SGCD: variants seen among roughly 807,000 people sequenced by gnomAD.
The protein encoded by SGCD is delta-sarcoglycan.
In SGCD, 18 loss-of-function variants were observed where a neutral mutation model predicts 36.6. The observed-to-expected ratio is 0.49, with a 90% CI of 0.34 to 0.73. The LOEUF (loss-of-function observed/expected upper bound fraction) is 0.73. Among genes scored for constraint, SGCD ranks in the 30% least tolerant of loss-of-function variants. The probability of loss-of-function intolerance (pLI) is 0.01; values close to 1 mark genes in which losing one functional copy is unlikely to be tolerated. For synonymous variants in SGCD, 133 were observed against 130.6 expected (o/e 1.02, Z -0.12); for missense variants, 387 against 346.7 (o/e 1.12, Z -0.92).
At chr5:156,074,113 C>G (rs536705840) in intron 1 of SGCD, among the ~76,000 whole-genome samples, 34 of 152,290 alleles carry the variant, frequency 2.2e-4, no homozygotes, top group Non-Finnish European at 3.2e-4. Flanking sequence ...CTCAAATTGT[C>G]TGGTTTATAT....
At chr5:155,788,141 A>G in the SGCD span, among the ~76,000 whole-genome samples, 2 of 152,124 alleles carry the variant, frequency 1.3e-5, no homozygotes, top group African/African-American at 4.8e-5. Flanking sequence ...CGAGCATTCT[A>G]TTTTTTCAAT....
intron 6 of SGCD, among the ~76,000 whole-genome samples, chr5:156,621,801 G>A (rs951382229): frequency 2.0e-5 from 3 of 152,198 alleles, no homozygotes; most frequent in Non-Finnish European, 4.4e-5. Context: ...AGAGGGAAGA[G>A]ATCTTTATTT....
intron 1 of SGCD, among the ~76,000 whole-genome samples, chr5:156,106,032 C>A (rs1761637835): frequency 7.1e-6 from 1 of 141,594 alleles, no homozygotes; most frequent in African/African-American, 2.7e-5. Flanking sequence ...ATTGCTTGAA[C>A]CTGGGAGGTG....
chr5:156,532,654 G>T (rs1215761050), intron 4 of SGCD, among the ~76,000 whole-genome samples: 1 of 152,008 alleles, frequency 6.6e-6, no homozygotes, highest in African/African-American at 2.4e-5. Flanking sequence ...GTTGAGACAG[G>T]GTTTTACCAC....
intron 3 of SGCD, among the ~76,000 whole-genome samples, chr5:156,496,479 G>A (rs917031379): frequency 1.3e-5 from 2 of 152,118 alleles, no homozygotes; most frequent in Non-Finnish European, 2.9e-5. Flanking sequence ...AGACTCGACT[G>A]TATGTGGGAG....
At chr5:155,816,935 A>T in the SGCD span, among the ~76,000 whole-genome samples, 1 of 152,198 alleles carries the variant, frequency 6.6e-6, no homozygotes, top group African/African-American at 2.4e-5. Context: ...TGATGCCTAA[A>T]TGCAACTACT....
At chr5:155,894,297 A>T (rs1211331902) in intron 1 of SGCD, among the ~76,000 whole-genome samples, 1 of 152,254 alleles carries the variant, frequency 6.6e-6, no homozygotes, top group African/African-American at 2.4e-5. Flanking sequence ...ATCAGTAGGC[A>T]ATAGAAATTT....
intron 3 of SGCD, among the ~76,000 whole-genome samples, chr5:156,411,577 C>T (rs1460665074): frequency 3.9e-5 from 6 of 152,214 alleles, no homozygotes; most frequent in African/African-American, 1.4e-4. Context: ...ACACAGTTAA[C>T]ATCTCTGGGT....
intron 3 of SGCD, among the ~76,000 whole-genome samples, chr5:156,270,974 T>A (rs1766160425): frequency 6.6e-6 from 1 of 152,064 alleles, no homozygotes; most frequent in African/African-American, 2.4e-5. Context: ...TCAACCAAAC[T>A]CAGGGAAGTG....
At chr5:156,545,764 G>A (rs759850602) in intron 4 of SGCD, among the ~76,000 whole-genome samples, 23 of 152,150 alleles carry the variant, frequency 1.5e-4, no homozygotes, top group Non-Finnish European at 2.4e-4. Context: ...TAGCAAATGG[G>A]AACCACGGGT....
At chr5:156,367,507 CATTT>C (rs1188960776) in intron 3 of SGCD, among the ~76,000 whole-genome samples, 1 of 152,174 alleles carries the variant, frequency 6.6e-6, no homozygotes, top group African/African-American at 2.4e-5. Flanking sequence ...TATTCAGATT[CATTT>C]TTTTAAAAGG....
At chr5:156,730,909 T>G (rs764786543) in intron 7 of SGCD, among the ~76,000 whole-genome samples, 3 of 152,146 alleles carry the variant, frequency 2.0e-5, no homozygotes, top group Non-Finnish European at 4.4e-5. Flanking sequence ...CAGTATCTAT[T>G]ATTTATTTTT....
intron 3 of SGCD, among the ~76,000 whole-genome samples, chr5:156,317,545 G>A (rs1463099590): frequency 3.3e-5 from 5 of 152,166 alleles, no homozygotes; most frequent in Non-Finnish European, 7.4e-5. Context: ...GGTTAATGGT[G>A]TTAAAACTAA....
upstream of SGCD, among the ~76,000 whole-genome samples, chr5:155,865,937 C>T (rs1488401531): frequency 6.6e-6 from 1 of 152,044 alleles, no homozygotes; most frequent in Non-Finnish European, 1.5e-5. Context: ...AAATGTTTAC[C>T]AAATACCCAG....
At chr5:156,217,781 A>T (rs249879) in intron 3 of SGCD, among the ~76,000 whole-genome samples, 33,789 of 152,086 alleles carry the variant, frequency 0.22, 4,750 homozygotes, top group Non-Finnish European at 0.31. Flanking sequence ...AAAAGAGAGT[A>T]GATACACAAA....
At chr5:156,299,444 GA>G in intron 3 of SGCD, among the ~76,000 whole-genome samples, 1 of 152,148 alleles carries the variant, frequency 6.6e-6, no homozygotes, top group Middle Eastern at 3.4e-3. Flanking sequence ...TAAATTTTAA[GA>G]TTTTTTTTTC....
At chr5:156,549,363 C>A (rs1228156765) in intron 4 of SGCD, among the ~76,000 whole-genome samples, 2 of 152,184 alleles carry the variant, frequency 1.3e-5, no homozygotes, top group Non-Finnish European at 2.9e-5. Context: ...TTGTATAAAT[C>A]TGTTTAAAAT....
At chr5:156,467,558 A>G (rs983661350) in intron 3 of SGCD, among the ~76,000 whole-genome samples, 2 of 152,264 alleles carry the variant, frequency 1.3e-5, no homozygotes, top group African/African-American at 2.4e-5. Flanking sequence ...ATATAAATCC[A>G]TAAACAGAGA....
intron 1 of SGCD, among the ~76,000 whole-genome samples, chr5:156,103,535 T>A (rs1165681459): frequency 6.6e-6 from 1 of 152,136 alleles, no homozygotes; most frequent in African/African-American, 2.4e-5. Flanking sequence ...TCTTTTTTCT[T>A]TTTGAAAATG....
Sources: gnomAD v4.1 joint callset for allele counts (sites outside exome capture counted in the v4.1 genomes callset) on GRCh38, gnomAD v4.1.1 for gene constraint, MANE v1.5 for transcripts, NCBI Gene and HGNC (gene_info 2026-07-23, HGNC 2026-07-21) for gene names.